Variants in TNS3 observed in about 807,000 individuals in gnomAD.
The protein encoded by TNS3 is tensin-3.
In TNS3, 45 loss-of-function variants were observed where a neutral mutation model predicts 140.9. The observed-to-expected ratio is 0.32, with a 90% CI of 0.25 to 0.41. The LOEUF is 0.41. Ranked by LOEUF, TNS3 falls within the 10% of genes least tolerant of loss-of-function variation. The pLI is 1.00. For synonymous variants in TNS3, 815 were observed against 788.4 expected (o/e 1.03, Z -0.56); for missense variants, 1,716 against 1,906.7 (o/e 0.90, Z 1.86).
At chr7:47,564,110 C>T (rs1057460187) in intron 1 of TNS3, among the ~76,000 whole-genome samples, 1 of 144,400 alleles carries the variant, frequency 6.9e-6, no homozygotes, top group East Asian at 2.2e-4. Flanking sequence ...AGGAGAATGG[C>T]GTGAGCCCGG....
intron 3 of TNS3, among the ~76,000 whole-genome samples, chr7:47,483,284 C>T (rs1331444414): frequency 1.3e-5 from 2 of 151,942 alleles, no homozygotes; most frequent in African/African-American, 4.8e-5. Context: ...ATTCTCCTGC[C>T]TCAGCCTCTC....
intron 25 of TNS3, 43 bp from the exon 26 acceptor site, chr7:47,292,948 T>C: frequency 6.4e-7 from 1 of 1,560,840 alleles, no homozygotes; most frequent in Non-Finnish European, 8.8e-7. Flanking sequence ...ACAACTGCTG[T>C]AGATGTTGTG....
At chr7:47,582,166 C>A (rs982544146), upstream of TNS3, 29 of 151,540 alleles carry the variant, frequency 1.9e-4, no homozygotes, top group African/African-American at 6.8e-4. Context: ...CGGCAGGGCC[C>A]CCTCGAGGCG....
intron 2 of TNS3, among the ~76,000 whole-genome samples, chr7:47,525,799 C>G (rs1027534258): frequency 2.0e-4 from 30 of 152,240 alleles, no homozygotes; most frequent in Admixed American, 1.7e-3. Flanking sequence ...CATATGTGCA[C>G]CCACACACTC....
chr7:47,485,588 G>A (rs772994132), intron 3 of TNS3, among the ~76,000 whole-genome samples: 15 of 152,238 alleles, frequency 9.9e-5, no homozygotes, highest in Non-Finnish European at 1.8e-4. Flanking sequence ...ACAGAAGGCT[G>A]GAGAGAAGGC....
intron 9 of TNS3, among the ~76,000 whole-genome samples, chr7:47,424,494 G>T (rs1484998950): frequency 6.6e-6 from 1 of 152,198 alleles, no homozygotes; most frequent in Non-Finnish European, 1.5e-5. Flanking sequence ...ACCAACTGAG[G>T]CTTCTCAGCA....
chr7:47,303,655 A>T (rs1284679130), intron 21 of TNS3, 71 bp from the exon 22 acceptor site: 1 of 1,474,806 alleles, frequency 6.8e-7, no homozygotes, highest in African/African-American at 1.4e-5. Flanking sequence ...AGCAAGCGTC[A>T]CCCACACGGG....
rs1316250617 is a variant in TNS3 at position 47,296,825 on chromosome 7, A to G, written c.3676+257T>C. 3.3e-5 allele frequency among the ~76,000 whole-genome samples: 5 copies of G among 152,188 alleles called. 1 individual carries two copies. Among genetic ancestry groups the G allele is most frequent in the East Asian group, 1.9e-4 (1 of 5,190 alleles). Reference sequence around the variant, plus strand: ...AATGGAAGCAAAACGGGCTTAGTGGATGCCTTATCCCATGGTTCTAATTTT... The same window carrying G: ...AATGGAAGCAAAACGGGCTTAGTGGGTGCCTTATCCCATGGTTCTAATTTT... On this transcript the variant is annotated intron_variant, in intron 24 of 30. Coordinates refer to ENST00000311160, the MANE Select transcript of TNS3 (RefSeq NM_022748.12).
chr7:47,299,246 T>C (rs1237915564), intron 23 of TNS3, among the ~76,000 whole-genome samples: 1 of 152,190 alleles, frequency 6.6e-6, no homozygotes, highest in Admixed American at 6.5e-5. Flanking sequence ...CAAGTGATCC[T>C]CCCACCTCAG....
intron 4 of TNS3, chr7:47,470,376 A>C: frequency 1.1e-6 from 1 of 869,614 alleles, no homozygotes; most frequent in Non-Finnish European, 1.4e-6. Context: ...AAAATCTTAA[A>C]ATAAATAAGT....
rs1180252400 is a variant in TNS3, at chr7:47,277,866, G to T, written c.*210C>A. 1 of 677,912 alleles carries T rather than the reference G, an allele frequency of 1.5e-6. No homozygotes were observed. Among genetic ancestry groups the T allele is most frequent in the East Asian group, 2.8e-5 (1 of 35,798 alleles). 42.0% of individuals were successfully genotyped at this position (677,912 alleles called of 1,614,324 possible). ...TACCCAAAAAGCATGTGGCTACAGA[G>T]ATGTGTCAGATAAGTCACTTTCAGG... On this transcript the variant is annotated 3_prime_UTR_variant, in exon 31 of 31. Coordinates refer to ENST00000311160, the MANE Select transcript of TNS3 (RefSeq NM_022748.12).
Position 47,277,957 on chromosome 7 carries a change from T to G in TNS3, c.*119A>C. On this transcript the variant is annotated 3_prime_UTR_variant, in exon 31 of 31. Transcript: ENST00000311160. ...CAGAGCTGGAAGATCCTCTTTCCCCTCATGGGCCTGGAATGTCAGGTTTAC... is the reference window on the plus strand; with the variant it reads ...CAGAGCTGGAAGATCCTCTTTCCCCGCATGGGCCTGGAATGTCAGGTTTAC... 1 of 1,136,346 alleles carries G rather than the reference T, an allele frequency of 8.8e-7. No individual in the cohort carries two copies. Among genetic ancestry groups the G allele is most frequent in the African/African-American group, 1.5e-5 (1 of 65,424 alleles). 70.4% of individuals were successfully genotyped at this position (1,136,346 alleles called of 1,614,324 possible). A position where few individuals can be genotyped will look rare whatever the true frequency, so the allele number is the denominator to read the frequency against.
intron 16 of TNS3, among the ~76,000 whole-genome samples, chr7:47,372,008 T>G (rs1257512609): frequency 6.6e-6 from 1 of 152,230 alleles, no homozygotes; most frequent in Non-Finnish European, 1.5e-5. Context: ...TGAGTAAACA[T>G]CAATTTAATT....
intron 20 of TNS3, among the ~76,000 whole-genome samples, chr7:47,340,694 G>T (rs1218705613): frequency 1.3e-5 from 2 of 151,674 alleles, no homozygotes; most frequent in African/African-American, 4.8e-5. Context: ...TTTCTGTTTG[G>T]ACAATCATGT....
At chr7:47,444,661 G>C (rs542140757) in intron 4 of TNS3, among the ~76,000 whole-genome samples, 10 of 151,250 alleles carry the variant, frequency 6.6e-5, no homozygotes, top group Non-Finnish European at 1.2e-4. Context: ...GAGTGAGAAG[G>C]GCAGGTCAGA....
At chr7:47,542,385 G>A (rs1584838115) in intron 1 of TNS3, among the ~76,000 whole-genome samples, 2 of 152,256 alleles carry the variant, frequency 1.3e-5, no homozygotes, top group South Asian at 2.1e-4. Context: ...GGGGTGGAGA[G>A]TCCAAATCCT....
chr7:47,560,766 C>A (rs1426748230), intron 1 of TNS3, among the ~76,000 whole-genome samples: 2 of 152,326 alleles, frequency 1.3e-5, no homozygotes, highest in East Asian at 3.9e-4. Flanking sequence ...GAGGTCCTGG[C>A]TGGGGGACTT....
At chr7:47,374,952 T>C (rs1204344666) in intron 16 of TNS3, among the ~76,000 whole-genome samples, 1 of 152,192 alleles carries the variant, frequency 6.6e-6, no homozygotes, top group Non-Finnish European at 1.5e-5. Context: ...CTCTGGCACC[T>C]GATGTGCTAT....
chr7:47,496,272 T>A (rs1798004163), intron 3 of TNS3, among the ~76,000 whole-genome samples: 1 of 151,054 alleles, frequency 6.6e-6, no homozygotes, highest in African/African-American at 2.4e-5. Flanking sequence ...GAATACAGAG[T>A]TTGGGGTCTT....
Sources: allele counts gnomAD v4.1 joint callset (sites outside exome capture counted in the v4.1 genomes callset), GRCh38; gene constraint gnomAD v4.1.1; transcripts MANE v1.5; gene names NCBI Gene and HGNC (gene_info 2026-07-23, HGNC 2026-07-21).